The following SLIT3 variants were observed in gnomAD, a reference collection of about 807,000 sequenced individuals.
The protein encoded by SLIT3 is slit guidance ligand 3.
In SLIT3, 68 loss-of-function variants were observed where a neutral mutation model predicts 184.0. The ratio of observed to expected loss-of-function variants is 0.37; its 90% CI spans 0.30 to 0.45. The LOEUF (loss-of-function observed/expected upper bound fraction) is 0.45, where lower values mean the gene tolerates loss of function less well. Among genes scored for constraint, SLIT3 ranks in the 20% least tolerant of loss-of-function variants. SLIT3 has a pLI of 1.00. For missense variants in SLIT3, 1,707 were observed against 2,026.0 expected, an observed-to-expected ratio of 0.84 and a Z score of 3.02; for synonymous variants, 831 against 828.6, an observed-to-expected ratio of 1.00 and a Z score of -0.05.
At chr5:168,998,723 C>A (rs1239031458) in intron 4 of SLIT3, among the ~76,000 whole-genome samples, 1 of 151,694 alleles carries the variant, frequency 6.6e-6, no homozygotes, top group South Asian at 2.1e-4. Flanking sequence ...CAAAACAAAA[C>A]AAAACAAAAC....
intron 16 of SLIT3, among the ~76,000 whole-genome samples, chr5:168,760,177 T>C (rs567845656): frequency 2.0e-5 from 3 of 152,268 alleles, no homozygotes; most frequent in East Asian, 3.9e-4. Flanking sequence ...AGTGAGACAA[T>C]GGGTGTGACG....
intron 16 of SLIT3, among the ~76,000 whole-genome samples, chr5:168,758,251 G>C (rs1463560319): frequency 2.6e-5 from 4 of 152,156 alleles, no homozygotes; most frequent in Non-Finnish European, 4.4e-5. Flanking sequence ...GGGGCATACA[G>C]AAATATTCTC....
In SLIT3 at chr5:168,669,991, T is replaced by G. The variant is rs2113166704; in HGVS notation, c.4128A>C (p.Arg1376Ser). ...QEARDPCLGH[R>S]CHHGKCVATG... ...TTGCCACACATTTTCCATGGTGGCA[T>G]CTAGGGGCAGAGAGGAGGATGAGAA... Residue 1376 changes from arginine to serine, a missense_variant and splice_region_variant, in exon 35 of 36, where the codon AGA (arginine) becomes AGC (serine). By Grantham distance (110) the Arg-to-Ser change is moderately radical. Around this residue, in one of 3 missense-constraint regions of SLIT3, gnomAD observed 387 missense variants for 477.9 expected, o/e 0.81. Transcript: ENST00000519560. 1 of 1,613,744 alleles carries G rather than the reference T, an allele frequency of 6.2e-7. No homozygotes were observed. Among genetic ancestry groups the G allele is most frequent in the Non-Finnish European group, 8.5e-7 (1 of 1,179,742 alleles).
intron 1 of SLIT3, among the ~76,000 whole-genome samples, chr5:169,253,917 C>T (rs771969279): frequency 2.0e-5 from 3 of 152,138 alleles, no homozygotes; most frequent in Non-Finnish European, 2.9e-5. Flanking sequence ...ATTTCTGTGA[C>T]CTCTATTTCC....
chr5:168,722,154 G>A (rs2034581244), intron 23 of SLIT3, 102 bp downstream of exon 23: 4 of 987,216 alleles, frequency 4.1e-6, no homozygotes, highest in Non-Finnish European at 6.3e-6. Flanking sequence ...GTTTGGGGGT[G>A]GAGTGGGCTT....
chr5:168,675,334 C>G (rs75704253), intron 32 of SLIT3, among the ~76,000 whole-genome samples: 1 of 152,282 alleles, frequency 6.6e-6, no homozygotes, highest in African/African-American at 2.4e-5. Context: ...GTGACTAACT[C>G]AGATTTAGAA....
chr5:168,946,784 T>C (rs1441972682), intron 4 of SLIT3, among the ~76,000 whole-genome samples: 1 of 152,164 alleles, frequency 6.6e-6, no homozygotes, highest in African/African-American at 2.4e-5. Flanking sequence ...TACTCTTTGC[T>C]CAGTTACTCC....
At chr5:168,755,952 A>T (rs1240708204) in intron 16 of SLIT3, among the ~76,000 whole-genome samples, 2 of 152,218 alleles carry the variant, frequency 1.3e-5, no homozygotes, top group Non-Finnish European at 2.9e-5. Context: ...ATCCCTGGCC[A>T]GATGGATGAA....
intron 20 of SLIT3, among the ~76,000 whole-genome samples, chr5:168,745,299 G>A (rs1763765472): frequency 6.6e-6 from 1 of 152,202 alleles, no homozygotes. Flanking sequence ...TTCTTGAAAT[G>A]GAATCTACTT....
chr5:169,073,603 TG>T (rs1196324229), intron 4 of SLIT3, among the ~76,000 whole-genome samples: 2 of 152,048 alleles, frequency 1.3e-5, no homozygotes, highest in African/African-American at 4.8e-5. Context: ...GGGAGGCGTT[TG>T]GGTCATGGAG....
intron 1 of SLIT3, among the ~76,000 whole-genome samples, chr5:169,258,747 C>T (rs959259533): frequency 1.3e-5 from 2 of 152,222 alleles, no homozygotes; most frequent in African/African-American, 4.8e-5. Flanking sequence ...CTAGGTCAGG[C>T]CACTGGCCTT....
At chr5:168,930,613 A>G (rs943787352) in intron 4 of SLIT3, among the ~76,000 whole-genome samples, 2 of 152,068 alleles carry the variant, frequency 1.3e-5, no homozygotes, top group African/African-American at 4.8e-5. Flanking sequence ...CTGGCACATA[A>G]TAGGTACTCA....
intron 3 of SLIT3, among the ~76,000 whole-genome samples, chr5:169,212,836 G>T (rs146716399): frequency 0.014 from 2,179 of 152,228 alleles, 34 homozygotes; most frequent in Non-Finnish European, 0.018. Context: ...TATAAGGAAG[G>T]CGTCCAGTTT....
In SLIT3 at chr5:169,102,345, A is replaced by G. The variant is rs568211288; in HGVS notation, c.413+91134T>C. 7.2e-5 allele frequency among the ~76,000 whole-genome samples: 11 copies of G among 152,330 alleles called. No homozygotes were observed. The South Asian group carries it at 2.3e-3, about 32-fold the overall frequency. ...TATATATATCCATATTCATGAATAT[A>G]TATACAGTTGTCCCTCAGTACCTGT... On this transcript the variant is annotated intron_variant, in intron 4 of 35. Coordinates refer to ENST00000519560, the MANE Select transcript of SLIT3 (RefSeq NM_003062.4).
At chr5:168,812,696 A>G (rs1249162127) in intron 8 of SLIT3, among the ~76,000 whole-genome samples, 1 of 152,352 alleles carries the variant, frequency 6.6e-6, no homozygotes, top group African/African-American at 2.4e-5. Context: ...GACTCGAGCA[A>G]TTATGATGAG....
In SLIT3 at chr5:168,662,519, A is replaced by G. The variant is rs1760900340; in HGVS notation, c.*3935T>C. 1 of 151,930 alleles carries G rather than the reference A, an allele frequency of 6.6e-6. No individual in the cohort carries two copies. The highest frequency in any genetic ancestry group is 1.5e-5 in the Non-Finnish European group (1 of 68,012). 9.4% of individuals were successfully genotyped at this position (151,930 alleles called of 1,614,324 possible). ...TCTTGCCCTTCTTCTCATCTTTTTG[A>G]AGCATCAGACTTGAGTTCCTTGCTA... On this transcript the variant is annotated 3_prime_UTR_variant, in exon 36 of 36. Coordinates refer to ENST00000519560, the MANE Select transcript of SLIT3 (RefSeq NM_003062.4).
chr5:168,800,861 G>A (rs1193669796), intron 9 of SLIT3, among the ~76,000 whole-genome samples: 1 of 152,194 alleles, frequency 6.6e-6, no homozygotes, highest in Non-Finnish European at 1.5e-5. Context: ...AGAATTGCAT[G>A]GGAACTTGAG....
intron 15 of SLIT3, among the ~76,000 whole-genome samples, chr5:168,761,646 CAG>C (rs983732299): frequency 3.3e-5 from 5 of 152,100 alleles, no homozygotes; most frequent in African/African-American, 1.2e-4. Flanking sequence ...GGAAGCCTGC[CAG>C]AGTCAGGTGT....
At chr5:169,245,403 C>G (rs1229720409) in intron 2 of SLIT3, among the ~76,000 whole-genome samples, 1 of 152,098 alleles carries the variant, frequency 6.6e-6, no homozygotes, top group Non-Finnish European at 1.5e-5. Flanking sequence ...ATAAGTGAGT[C>G]TGGTTCACGC....
Sources: gnomAD v4.1 joint callset for allele counts (sites outside exome capture counted in the v4.1 genomes callset) on GRCh38, gnomAD v4.1.1 for gene constraint, gnomAD v4.1.1 regional missense constraint, MANE v1.5 for transcripts, NCBI Gene and HGNC (gene_info 2026-07-23, HGNC 2026-07-21) for gene names.